EPM2A: variants seen among roughly 807,000 people sequenced by gnomAD.
The protein encoded by EPM2A is EPM2A glucan phosphatase, laforin.
In EPM2A, 21 loss-of-function variants were observed where a neutral mutation model predicts 26.5. The observed-to-expected ratio is 0.79, with a 90% CI of 0.56 to 1.14. The LOEUF (loss-of-function observed/expected upper bound fraction) is 1.14, where lower values mean the gene tolerates loss of function less well. Among genes scored for constraint, EPM2A ranks in the 50% most tolerant of loss-of-function variants. The pLI is 0.00. For synonymous variants in EPM2A, 217 were observed against 177.6 expected (o/e 1.22, Z -1.76); for missense variants, 458 against 440.8 (o/e 1.04, Z -0.35).
At chr6:145,497,188 C>CAT (rs1457740397), downstream of EPM2A, among the ~76,000 whole-genome samples, 1 of 152,164 alleles carries the variant, frequency 6.6e-6, no homozygotes, top group African/African-American at 2.4e-5. Flanking sequence ...CATTCTTTTG[C>CAT]ATATTTGTGG....
At chr6:145,673,113 A>C (rs936899989) in intron 2 of EPM2A, among the ~76,000 whole-genome samples, 2 of 152,180 alleles carry the variant, frequency 1.3e-5, no homozygotes, top group African/African-American at 4.8e-5. Context: ...TCAGGGAAAG[A>C]AATTTGTTTT....
chr6:145,663,004 T>C (rs1458254349), intron 2 of EPM2A, among the ~76,000 whole-genome samples: 1 of 152,044 alleles, frequency 6.6e-6, no homozygotes, highest in Non-Finnish European at 1.5e-5. Context: ...CAACTATGGG[T>C]CTGAGCTTCG....
intron 2 of EPM2A, among the ~76,000 whole-genome samples, chr6:145,565,896 C>A (rs950246821): frequency 6.6e-6 from 1 of 152,012 alleles, no homozygotes. Context: ...AGATATGAGC[C>A]CCGTAAAGCA....
chr6:145,460,388 C>A (rs1779314440), intron 4 of EPM2A, among the ~76,000 whole-genome samples: 1 of 152,172 alleles, frequency 6.6e-6, no homozygotes, highest in Non-Finnish European at 1.5e-5. Context: ...TCACAGTCTT[C>A]CCAACTATAA....
At position 145,510,667 on chromosome 6, in the gene EPM2A, C is replaced by T. The variant is rs117664371; in HGVS notation, c.341-8092G>A. Among the ~76,000 whole-genome samples, 9 of 151,822 alleles carry T rather than the reference C, an allele frequency of 5.9e-5. No individual in the cohort carries two copies. The East Asian group carries it at 7.7e-4, about 13-fold the overall frequency. ...AAGGATTTCAAATGAACAAACTAAC[C>T]TTGCATCTAACAGAATTACAAAAAC... On this transcript the variant is annotated intron_variant, in intron 2 of 3. Coordinates refer to the EPM2A transcript ENST00000450221.
chr6:145,420,681 C>T (rs544656208), intron 4 of EPM2A, among the ~76,000 whole-genome samples: 5 of 152,202 alleles, frequency 3.3e-5, no homozygotes, highest in Admixed American at 3.3e-4. Context: ...TAAGTGTCTA[C>T]ATCTTACTGC....
At chr6:145,670,018 C>T (rs1047717630) in intron 2 of EPM2A, among the ~76,000 whole-genome samples, 1 of 152,166 alleles carries the variant, frequency 6.6e-6, no homozygotes, top group African/African-American at 2.4e-5. Flanking sequence ...AAGTTCTCTG[C>T]CTTCCTCCTA....
intron 2 of EPM2A, among the ~76,000 whole-genome samples, chr6:145,587,326 G>A (rs762506600): frequency 6.6e-6 from 1 of 152,082 alleles, no homozygotes; most frequent in Non-Finnish European, 1.5e-5. Flanking sequence ...ATTCAATAAA[G>A]AACTCTGTTG....
chr6:145,642,171 G>A (rs1315464365), intron 2 of EPM2A, among the ~76,000 whole-genome samples: 1 of 152,114 alleles, frequency 6.6e-6, no homozygotes, highest in African/African-American at 2.4e-5. Flanking sequence ...ACCAGGCTAC[G>A]ACTTGGTTAC....
intron 4 of EPM2A, among the ~76,000 whole-genome samples, chr6:145,440,993 A>T (rs567018132): frequency 5.9e-5 from 9 of 151,922 alleles, no homozygotes; most frequent in Non-Finnish European, 8.8e-5. Context: ...CCCAGTAGGG[A>T]CTCTGTATGG....
chr6:145,540,242 C>A (rs1780488428), intron 2 of EPM2A, among the ~76,000 whole-genome samples: 1 of 152,134 alleles, frequency 6.6e-6, no homozygotes, highest in African/African-American at 2.4e-5. Context: ...TATTAATAAA[C>A]TGAACTTTAA....
intron 4 of EPM2A, among the ~76,000 whole-genome samples, chr6:145,466,564 C>T (rs1281750810): frequency 6.6e-6 from 1 of 152,010 alleles, no homozygotes; most frequent in Non-Finnish European, 1.5e-5. Context: ...ACTAGTTCAA[C>T]CCTTGTGGAA....
At chr6:145,712,836 G>A (rs1775413161) in intron 1 of EPM2A, among the ~76,000 whole-genome samples, 1 of 152,126 alleles carries the variant, frequency 6.6e-6, no homozygotes, top group Non-Finnish European at 1.5e-5. Flanking sequence ...TTACTGTCCT[G>A]ATTTGGCTTG....
chr6:145,389,484 G>A (rs372966175), intron 4 of EPM2A, among the ~76,000 whole-genome samples: 180 of 152,174 alleles, frequency 1.2e-3, no homozygotes, highest in African/African-American at 4.1e-3. Flanking sequence ...GAGTCACCTC[G>A]CCTGGCCCAT....
chr6:145,613,367 G>A (rs892634509), intron 2 of EPM2A, among the ~76,000 whole-genome samples: 7 of 151,986 alleles, frequency 4.6e-5, no homozygotes, highest in African/African-American at 1.7e-4. Flanking sequence ...ATCCCTCAAA[G>A]TCATTCAGGA....
At chr6:145,437,024 T>A (rs994358113) in intron 4 of EPM2A, among the ~76,000 whole-genome samples, 1 of 152,262 alleles carries the variant, frequency 6.6e-6, no homozygotes, top group African/African-American at 2.4e-5. Context: ...GAAAAGACAT[T>A]TATTTGATAT....
At chr6:145,530,473 A>AAGGGAAAG (rs139612950) in intron 2 of EPM2A, among the ~76,000 whole-genome samples, 13,988 of 152,022 alleles carry the variant, frequency 0.092, 780 homozygotes, top group East Asian at 0.17. Flanking sequence ...GAAATGTAGC[A>AAGGGAAAG]AGGGAAAGCT....
rs193130159 is a variant in EPM2A at position 145,429,312 on chromosome 6, C to T, written c.556-45215G>A. On this transcript the variant is annotated intron_variant, in intron 4 of 4. Coordinates refer to the EPM2A transcript ENST00000638717. The stretch of plus-strand genomic sequence containing the variant: ...ATCAACTATATTTTAATATATCTAT[C>T]AATTAATTCATTTATTTGCTTATCT... 2.3e-3 allele frequency among the ~76,000 whole-genome samples: 355 copies of T among 152,126 alleles called. 4 individuals are homozygous for T. Among genetic ancestry groups the T allele is most frequent in the African/African-American group, 8.2e-3 (339 of 41,518 alleles).
intron 4 of EPM2A, among the ~76,000 whole-genome samples, chr6:145,414,968 T>C (rs1185718215): frequency 2.0e-5 from 3 of 152,164 alleles, no homozygotes; most frequent in Non-Finnish European, 4.4e-5. Flanking sequence ...GGCTCACTTT[T>C]CCCCCCGTAT....
Sources: gnomAD v4.1 joint callset for allele counts (sites outside exome capture counted in the v4.1 genomes callset) on GRCh38, gnomAD v4.1.1 for gene constraint, MANE v1.5 for transcripts, NCBI Gene and HGNC (gene_info 2026-07-23, HGNC 2026-07-21) for gene names.